TTC7B: variants seen among roughly 807,000 people sequenced by gnomAD.
The protein encoded by TTC7B is tetratricopeptide repeat domain 7B.
TTC7B carries 28 observed loss-of-function variants against 106.8 expected under a neutral mutation model. The observed-to-expected ratio is 0.26, with a 90% CI of 0.19 to 0.36. The LOEUF (loss-of-function observed/expected upper bound fraction) is 0.36. TTC7B is among the 10% of genes least tolerant of loss of function. TTC7B has a pLI of 1.00. For synonymous variants in TTC7B, 405 were observed against 430.6 expected (o/e 0.94, Z 0.74); for missense variants, 862 against 1,076.4 (o/e 0.80, Z 2.79).
chr14:90,677,084 A>C (rs192722901), intron 8 of TTC7B, among the ~76,000 whole-genome samples: 4 of 152,272 alleles, frequency 2.6e-5, no homozygotes, highest in Non-Finnish European at 5.9e-5. Context: ...AGAGTGGGAG[A>C]AAATTCCCAG....
At chr14:90,670,732 CT>C (rs745911412) in intron 9 of TTC7B, among the ~76,000 whole-genome samples, 7 of 152,116 alleles carry the variant, frequency 4.6e-5, no homozygotes, top group Admixed American at 6.5e-5. Flanking sequence ...GGCTGACATT[CT>C]TTGGGGCAGG....
intron 5 of TTC7B, among the ~76,000 whole-genome samples, chr14:90,704,325 T>C (rs1888119643): frequency 6.6e-6 from 1 of 152,228 alleles, no homozygotes; most frequent in Non-Finnish European, 1.5e-5. Flanking sequence ...TGAACCGGTT[T>C]CTACGATGTA....
At chr14:90,660,323 G>A (rs1305415145) in intron 9 of TTC7B, among the ~76,000 whole-genome samples, 2 of 145,202 alleles carry the variant, frequency 1.4e-5, no homozygotes, top group African/African-American at 5.2e-5. Context: ...CCAGGAGGCC[G>A]AGGCTGCAGC....
At position 90,808,244 on chromosome 14, in the gene TTC7B, G is replaced by A. The variant is rs1042517731; in HGVS notation, c.121+7931C>T. Among the ~76,000 whole-genome samples, 5 of 152,184 alleles carry A rather than the reference G, an allele frequency of 3.3e-5. No homozygotes were observed. The highest frequency in any genetic ancestry group is 9.7e-5 in the African/African-American group (4 of 41,444). On this transcript the variant is annotated intron_variant, in intron 1 of 19. Transcript: ENST00000328459. This position sits in a 1 kb window ranked among gnomAD's most constrained non-coding sequence, Gnocchi z 4.2. ...GAAGATCACTTGAGCCCAGGAGTTC[G>A]AGACCAGAGTGGGCAACATAGGGAA...
chr14:90,776,530 A>C (rs1891035947), intron 3 of TTC7B, among the ~76,000 whole-genome samples: 1 of 152,166 alleles, frequency 6.6e-6, no homozygotes, highest in Non-Finnish European at 1.5e-5. Flanking sequence ...GACTCTTCCC[A>C]GGGGGCTTCA....
At chr14:90,794,351 C>T (rs190472504) in intron 1 of TTC7B, among the ~76,000 whole-genome samples, 47 of 151,552 alleles carry the variant, frequency 3.1e-4, no homozygotes, top group African/African-American at 1.1e-3. Flanking sequence ...CTCAGCCTCC[C>T]GAGTAGCTGG....
rs143461829 is a variant in TTC7B, at chr14:90,806,379, A to T, written c.121+9796T>A. Among the ~76,000 whole-genome samples the T allele has an allele frequency of 1.6e-3, 243 of 152,318 alleles. 2 individuals are homozygous for T. The highest frequency in any genetic ancestry group is 5.2e-3 in the African/African-American group (215 of 41,574). On this transcript the variant is annotated intron_variant, in intron 1 of 19. Coordinates refer to ENST00000328459, the MANE Select transcript of TTC7B (RefSeq NM_001010854.2). ...TGCTTCAGCTTTGGGCCTGAGTCAC[A>T]ATCAGTACAACCAGAACCCCACCTC...
chr14:90,718,870 A>G (rs183584316), intron 5 of TTC7B, among the ~76,000 whole-genome samples: 3 of 92,800 alleles, frequency 3.2e-5, no homozygotes, highest in African/African-American at 1.2e-4. Context: ...AGTGGAACTT[A>G]GGTTCTACTG....
chr14:90,703,269 A>T (rs1186788439), intron 5 of TTC7B, among the ~76,000 whole-genome samples: 1 of 152,190 alleles, frequency 6.6e-6, no homozygotes, highest in Non-Finnish European at 1.5e-5. Context: ...GGAAGGTAAA[A>T]ATGTCCTGCT....
chr14:90,531,516 G>T lies in TTC7B; in HGVS notation c.*9852C>A, dbSNP rs1399916533. 1.3e-5 allele frequency: 2 copies of T among 151,950 alleles called. No homozygotes were observed. The highest frequency in any genetic ancestry group is 1.9e-4 in the East Asian group (1 of 5,194). The allele number at this position is 151,950 out of a possible 1,614,324, so 9.4% of individuals were successfully genotyped here. The stretch of plus-strand genomic sequence containing the variant: ...TGCCTGTAATCCCAGCCACTCGGGA[G>T]GCTGAGTCAGGAGAACAGCTTGAAC... On this transcript the variant is annotated 3_prime_UTR_variant, in exon 20 of 20. Coordinates refer to ENST00000328459, the MANE Select transcript of TTC7B (RefSeq NM_001010854.2).
chr14:90,594,181 A>G (rs1450289221), intron 17 of TTC7B, among the ~76,000 whole-genome samples: 1 of 152,180 alleles, frequency 6.6e-6, no homozygotes, highest in Admixed American at 6.5e-5. Context: ...ACTGCAGAAA[A>G]AAGCACACTT....
At chr14:90,816,021 A>G (rs997738321) in intron 1 of TTC7B, among the ~76,000 whole-genome samples, 154 bp downstream of exon 1, 1 of 149,710 alleles carries the variant, frequency 6.7e-6, no homozygotes, top group Non-Finnish European at 1.5e-5. Flanking sequence ...GGGCTCCCCC[A>G]GGCCCCGGTC....
intron 9 of TTC7B, among the ~76,000 whole-genome samples, chr14:90,668,269 A>G (rs1474752016): frequency 6.6e-6 from 1 of 152,194 alleles, no homozygotes; most frequent in African/African-American, 2.4e-5. Flanking sequence ...AATATATATT[A>G]CCCATCAATT....
At chr14:90,612,929 A>T (rs1262767279) in intron 16 of TTC7B, among the ~76,000 whole-genome samples, 1 of 152,198 alleles carries the variant, frequency 6.6e-6, no homozygotes, top group Non-Finnish European at 1.5e-5. Flanking sequence ...CTGAATTTTG[A>T]ACCTCACCCC....
intron 5 of TTC7B, among the ~76,000 whole-genome samples, chr14:90,711,350 T>C (rs1888437962): frequency 6.6e-6 from 1 of 152,212 alleles, no homozygotes; most frequent in Non-Finnish European, 1.5e-5. Flanking sequence ...TTGCTAGTAC[T>C]GAAATTAAGT....
intron 19 of TTC7B, among the ~76,000 whole-genome samples, chr14:90,551,290 G>A (rs367546006): frequency 5.3e-5 from 8 of 152,124 alleles, no homozygotes; most frequent in African/African-American, 9.7e-5. Flanking sequence ...TTTAGACTCC[G>A]ATTACAGTGT....
At chr14:90,668,827 CTTTTTTTTTTTTTT>C (rs11291974) in intron 9 of TTC7B, among the ~76,000 whole-genome samples, 1 of 88,528 alleles carries the variant, frequency 1.1e-5, no homozygotes, top group Non-Finnish European at 2.1e-5. Flanking sequence ...AAAATTTCAA[CTTTTTTTTTTTTTT>C]TTTTTTTTTT....
chr14:90,805,057 C>A lies in TTC7B; in HGVS notation c.121+11118G>T, dbSNP rs2030523948. On this transcript the variant is annotated intron_variant, in intron 1 of 19. Transcript: ENST00000328459. The surrounding 1 kb of genome is among the most constrained non-coding windows in gnomAD (Gnocchi z 4.0). ...CCCCAGGCAGGCAGGGCTACACAGC[C>A]ACCCTGGAGATGACACCAACAGTCT... 1.3e-5 allele frequency among the ~76,000 whole-genome samples: 2 copies of A among 152,110 alleles called. No homozygotes were observed. Among genetic ancestry groups the A allele is most frequent in the South Asian group, 4.1e-4 (2 of 4,820 alleles).
rs545988801 is a variant in TTC7B, at chr14:90,800,998, C to A, written c.122-14670G>T. On this transcript the variant is annotated intron_variant, in intron 1 of 19. Coordinates refer to ENST00000328459, the MANE Select transcript of TTC7B (RefSeq NM_001010854.2). Reference sequence around the variant, plus strand: ...CCCAGGAGTTTGAGACCAGGCTATACGGTCCTTGAGAGGAGACCTGTTAAC... The same window carrying A: ...CCCAGGAGTTTGAGACCAGGCTATAAGGTCCTTGAGAGGAGACCTGTTAAC... Among the ~76,000 whole-genome samples, 57 of 152,144 alleles carry A rather than the reference C, an allele frequency of 3.7e-4. No individual in the cohort carries two copies. In the South Asian group the frequency reaches 9.8e-3, roughly 26 times the overall value.
Sources: allele counts gnomAD v4.1 joint callset (sites outside exome capture counted in the v4.1 genomes callset), GRCh38; gene constraint gnomAD v4.1.1; non-coding constraint Gnocchi (gnomAD v3.1); transcripts MANE v1.5; gene names NCBI Gene and HGNC (gene_info 2026-07-23, HGNC 2026-07-21).